The following MFHAS1 variants were observed in gnomAD, a reference collection of about 807,000 sequenced individuals.
MFHAS1 encodes malignant fibrous histiocytoma-amplified sequence 1.
A neutral mutation model predicts 70.4 loss-of-function variants in MFHAS1; 50 were observed. The observed-to-expected ratio is 0.71, with a 90% CI of 0.57 to 0.90. The LOEUF is 0.90. Ranked by LOEUF, MFHAS1 falls within the 40% of genes least tolerant of loss-of-function variation. MFHAS1 has a pLI of 0.00. For synonymous variants in MFHAS1, 952 were observed against 620.0 expected, an observed-to-expected ratio of 1.54 and a Z score of -7.96; for missense variants, 1,795 against 1,347.6, an observed-to-expected ratio of 1.33 and a Z score of -5.20.
chr8:8,835,359 T>C (rs1316550732), intron 1 of MFHAS1, among the ~76,000 whole-genome samples: 6 of 152,146 alleles, frequency 3.9e-5, no homozygotes, highest in Admixed American at 3.9e-4. Flanking sequence ...CTAAACACTA[T>C]CCTGTCCCAC....
chr8:8,819,620 A>C (rs1193270838), intron 1 of MFHAS1, among the ~76,000 whole-genome samples: 1 of 151,898 alleles, frequency 6.6e-6, no homozygotes. Context: ...AAAAAAAAAA[A>C]AAAAAAGAAT....
intron 1 of MFHAS1, among the ~76,000 whole-genome samples, chr8:8,801,606 T>C (rs1160838284): frequency 6.6e-6 from 1 of 152,254 alleles, no homozygotes; most frequent in African/African-American, 2.4e-5. Context: ...ATATGAAGAA[T>C]GGTTTATTTG....
chr8:8,823,041 C>T (rs866128575), intron 1 of MFHAS1, among the ~76,000 whole-genome samples: 3 of 152,154 alleles, frequency 2.0e-5, no homozygotes, highest in South Asian at 2.1e-4. Flanking sequence ...CAGAGGGACA[C>T]AGGACAGTCT....
intron 2 of MFHAS1, among the ~76,000 whole-genome samples, chr8:8,792,207 A>C (rs1408853081): frequency 5.1e-5 from 6 of 117,854 alleles, no homozygotes; most frequent in African/African-American, 7.4e-5. Context: ...ACTGTACTCC[A>C]GCCTGGGTGA....
chr8:8,864,999 G>C (rs1239136388), intron 1 of MFHAS1, among the ~76,000 whole-genome samples: 1 of 152,114 alleles, frequency 6.6e-6, no homozygotes, highest in African/African-American at 2.4e-5. Context: ...TTTCAGGCCA[G>C]GTCTGGTGGC....
rs552674139 is a variant in MFHAS1, at chr8:8,788,260, C to A, written c.3126-2205G>T. On this transcript the variant is annotated intron_variant, in intron 2 of 2. Transcript: ENST00000276282. ...TGTATCCTCAACACCCGGCCCAATG[C>A]CTACTAGAGGATAATTACTCAACAA... Among the ~76,000 whole-genome samples the A allele has an allele frequency of 3.3e-5, 5 of 152,324 alleles. No homozygotes were observed. In the South Asian group the frequency reaches 8.3e-4, roughly 25 times the overall value.
At chr8:8,871,506 C>T (rs961461776) in intron 1 of MFHAS1, among the ~76,000 whole-genome samples, 2 of 152,216 alleles carry the variant, frequency 1.3e-5, no homozygotes, top group East Asian at 1.9e-4. Flanking sequence ...GCCAAGATCA[C>T]TCCACTGCAC....
intron 2 of MFHAS1, among the ~76,000 whole-genome samples, chr8:8,787,861 G>A (rs1044170715): frequency 6.6e-6 from 1 of 152,186 alleles, no homozygotes; most frequent in African/African-American, 2.4e-5. Flanking sequence ...CACCTAGACG[G>A]AAAATCCCAC....
intron 1 of MFHAS1, among the ~76,000 whole-genome samples, chr8:8,862,954 T>C (rs1324447575): frequency 2.0e-5 from 3 of 152,216 alleles, no homozygotes; most frequent in African/African-American, 7.2e-5. Context: ...CTCCTATGCT[T>C]CCTTGGTAAG....
chr8:8,805,899 T>C (rs550577030), intron 1 of MFHAS1, among the ~76,000 whole-genome samples: 1 of 152,252 alleles, frequency 6.6e-6, no homozygotes, highest in East Asian at 1.9e-4. Context: ...GGTTTTGCCA[T>C]GTTGGCCAGA....
At chr8:8,826,400 G>A (rs936439286) in intron 1 of MFHAS1, among the ~76,000 whole-genome samples, 1 of 152,096 alleles carries the variant, frequency 6.6e-6, no homozygotes, top group African/African-American at 2.4e-5. Context: ...TTCCCTGAAG[G>A]TCTGGGTAGC....
chr8:8,805,923 C>T (rs180884064), intron 1 of MFHAS1, among the ~76,000 whole-genome samples: 1 of 152,028 alleles, frequency 6.6e-6, no homozygotes, highest in East Asian at 1.9e-4. Context: ...GTCTCTAACT[C>T]CTGTGACCTC....
At chr8:8,836,854 A>G (rs1807614333) in intron 1 of MFHAS1, among the ~76,000 whole-genome samples, 1 of 152,176 alleles carries the variant, frequency 6.6e-6, no homozygotes, top group Admixed American at 6.5e-5. Flanking sequence ...TTTTTCTCTA[A>G]GTTAACCAAC....
In MFHAS1 at chr8:8,832,056, G is replaced by GCACA. The variant is rs1464235374; in HGVS notation, c.2999-34566_2999-34565insTGTG. ...CTTCAAGGCGCACATGCACGCGCGCGCGCGCGCACACACACACACACACAC... is the reference window on the plus strand; with the variant it reads ...CTTCAAGGCGCACATGCACGCGCGCGCACACGCGCGCACACACACACACACACAC... On this transcript the variant is annotated intron_variant, in intron 1 of 2. Transcript: ENST00000276282. Among the ~76,000 whole-genome samples, 280 of 136,084 alleles carry GCACA rather than the reference G, an allele frequency of 2.1e-3. 1 individual carries two copies. The highest frequency in any genetic ancestry group is 7.0e-3 in the African/African-American group (212 of 30,394). The allele number at this position is 136,084 out of a possible 152,430, so 89.3% of individuals were successfully genotyped here. A position where few individuals can be genotyped will look rare whatever the true frequency, so the allele number is the denominator to read the frequency against.
intron 1 of MFHAS1, among the ~76,000 whole-genome samples, chr8:8,874,603 T>C (rs537450692): frequency 2.0e-5 from 3 of 152,270 alleles, no homozygotes; most frequent in Non-Finnish European, 2.9e-5. Context: ...TGCTAATGAA[T>C]CTACCATCCA....
Position 8,785,892 on chromosome 8 carries a change from T to A in MFHAS1, c.*130A>T. The A allele has an allele frequency of 1.1e-5, 5 of 471,256 alleles. No individual in the cohort carries two copies. The highest frequency in any genetic ancestry group is 1.5e-5 in the Non-Finnish European group (4 of 261,790). 29.2% of individuals were successfully genotyped at this position (471,256 alleles called of 1,614,324 possible). A position where few individuals can be genotyped will look rare whatever the true frequency, so the allele number is the denominator to read the frequency against. ...TTCCCCAGTCGTCCAAAAAGCACCC[T>A]GCAAGCACGCGTTGTCACTCAAGTT... On this transcript the variant is annotated 3_prime_UTR_variant, in exon 3 of 3. Coordinates refer to ENST00000276282, the MANE Select transcript of MFHAS1 (RefSeq NM_004225.3).
intron 1 of MFHAS1, among the ~76,000 whole-genome samples, chr8:8,860,948 C>G (rs902568173): frequency 3.9e-5 from 6 of 152,230 alleles, no homozygotes; most frequent in Admixed American, 3.9e-4. Context: ...GCCCAAATAC[C>G]TTATTATAAT....
rs762895293 is a variant in MFHAS1 at position 8,890,767 on chromosome 8, C to G, written c.2292G>C (p.Gly764=). ...LGTSGEGKAE[G]ESSPPMARST... Reference sequence around the variant, plus strand: ...ACCGCGCCATGGGCGGGGAGCTTTCCCCCTCCGCCTTGCCCTCTCCACTGG... The same window carrying G: ...ACCGCGCCATGGGCGGGGAGCTTTCGCCCTCCGCCTTGCCCTCTCCACTGG... The change falls in exon 1 of 3, where the codon GGG becomes GGC. Residue 764 remains glycine (G), a synonymous_variant. Coordinates refer to ENST00000276282, the MANE Select transcript of MFHAS1 (RefSeq NM_004225.3). The G allele has an allele frequency of 1.2e-6, 2 of 1,613,778 alleles. No individual in the cohort carries two copies. Among genetic ancestry groups the G allele is most frequent in the African/African-American group, 2.7e-5 (2 of 74,942 alleles).
rs1039646197 is a variant in MFHAS1 at position 8,785,725 on chromosome 8, G to A, written c.*297C>T. The A allele has an allele frequency of 1.3e-5, 5 of 373,894 alleles. No individual in the cohort carries two copies. Among genetic ancestry groups the A allele is most frequent in the African/African-American group, 8.3e-5 (4 of 48,122 alleles). The allele number at this position is 373,894 out of a possible 1,614,324, so 23.2% of individuals were successfully genotyped here. On this transcript the variant is annotated 3_prime_UTR_variant, in exon 3 of 3. Coordinates refer to ENST00000276282, the MANE Select transcript of MFHAS1 (RefSeq NM_004225.3). ...TGTGCACGGAAAACAAAATCCCTGAGAAGCCATTCGACTTTTTTTTTTTTT... is the reference window on the plus strand; with the variant it reads ...TGTGCACGGAAAACAAAATCCCTGAAAAGCCATTCGACTTTTTTTTTTTTT...
Sources: allele counts gnomAD v4.1 joint callset (sites outside exome capture counted in the v4.1 genomes callset), GRCh38; gene constraint gnomAD v4.1.1; transcripts MANE v1.5; gene names NCBI Gene and HGNC (gene_info 2026-07-23, HGNC 2026-07-21).